The following CPNE8 variants were observed in gnomAD, a reference collection of about 807,000 sequenced individuals.
CPNE8 encodes the protein copine-8.
In CPNE8, 45 loss-of-function variants were observed where a neutral mutation model predicts 81.5. The ratio of observed to expected loss-of-function variants is 0.55; its 90% CI spans 0.44 to 0.71. The LOEUF (loss-of-function observed/expected upper bound fraction) is 0.71. Ranked by LOEUF, CPNE8 falls within the 30% of genes least tolerant of loss-of-function variation. CPNE8 has a pLI of 0.00. For synonymous variants in CPNE8, 252 were observed against 226.3 expected (o/e 1.11, Z -1.02); for missense variants, 594 against 672.1 (o/e 0.88, Z 1.28).
chr12:38,820,696 C>T (rs1226292095), intron 6 of CPNE8, among the ~76,000 whole-genome samples: 1 of 152,174 alleles, frequency 6.6e-6, no homozygotes, highest in East Asian at 1.9e-4. Flanking sequence ...ATGTTTCCAA[C>T]AGGTTTTCAA....
At chr12:38,731,501 G>T (rs559391370) in intron 10 of CPNE8, among the ~76,000 whole-genome samples, 1 of 151,724 alleles carries the variant, frequency 6.6e-6, no homozygotes, top group African/African-American at 2.4e-5. Flanking sequence ...TGTTTTTAAA[G>T]AACTTATTTG....
At chr12:38,796,070 G>A (rs544483861) in intron 6 of CPNE8, among the ~76,000 whole-genome samples, 1 of 152,128 alleles carries the variant, frequency 6.6e-6, no homozygotes, top group Non-Finnish European at 1.5e-5. Flanking sequence ...AGACCAGCCT[G>A]GTCAACATGG....
intron 13 of CPNE8, among the ~76,000 whole-genome samples, chr12:38,716,239 A>T (rs1592032576): frequency 6.6e-6 from 1 of 152,232 alleles, no homozygotes; most frequent in East Asian, 1.9e-4. Flanking sequence ...CATTCTACAG[A>T]CTCAAATGCA....
intron 3 of CPNE8, among the ~76,000 whole-genome samples, chr12:38,856,010 G>T (rs773736166): frequency 5.1e-4 from 78 of 151,912 alleles, no homozygotes; most frequent in Middle Eastern, 3.4e-3. Flanking sequence ...AAATGAAAGA[G>T]AAAACATTAC....
chr12:38,872,110 G>C lies in CPNE8; in HGVS notation c.186+894C>G, dbSNP rs1944002812. 2.0e-5 allele frequency among the ~76,000 whole-genome samples: 3 copies of C among 152,144 alleles called. No homozygotes were observed. The East Asian group carries it at 5.8e-4, about 29-fold the overall frequency. On this transcript the variant is annotated intron_variant, in intron 3 of 19. Transcript: ENST00000331366. ...AGATTGTGCCATAGCACTCCAGCCT[G>C]AGCAATAAGAGTGAAACTCTGTCTC...
chr12:38,789,363 G>A (rs916304743), intron 6 of CPNE8, among the ~76,000 whole-genome samples: 2 of 151,590 alleles, frequency 1.3e-5, no homozygotes, highest in Admixed American at 6.6e-5. Flanking sequence ...AAGACAGTCT[G>A]TTCAATAAAT....
chr12:38,882,891 C>T (rs938270331), intron 1 of CPNE8, among the ~76,000 whole-genome samples: 64 of 152,174 alleles, frequency 4.2e-4, no homozygotes, highest in African/African-American at 1.4e-3. Context: ...CCATAGCATT[C>T]TGTTTCCCAA....
At chr12:38,795,999 G>A (rs185247168) in intron 6 of CPNE8, among the ~76,000 whole-genome samples, 22 of 152,152 alleles carry the variant, frequency 1.4e-4, no homozygotes, top group Admixed American at 2.6e-4. Flanking sequence ...CGGTGGTCAC[G>A]CCTGTAATCC....
At chr12:38,740,503 C>A (rs1941072671) in intron 10 of CPNE8, among the ~76,000 whole-genome samples, 1 of 152,092 alleles carries the variant, frequency 6.6e-6, no homozygotes, top group Non-Finnish European at 1.5e-5. Flanking sequence ...CAGTTTTTGC[C>A]CATTCAGTAT....
chr12:38,767,651 T>A lies in CPNE8; in HGVS notation c.559A>T (p.Ser187Cys), dbSNP rs775676077. 3.2e-6 allele frequency: 5 copies of A among 1,561,172 alleles called. No homozygotes were observed. Among genetic ancestry groups the A allele is most frequent in the Non-Finnish European group, 4.3e-6 (5 of 1,160,164 alleles). ...KSDPFLVFYR[S>C]NEDGSFTICH... The stretch of plus-strand genomic sequence containing the variant: ...TAAATCTACCTGCCATCTTCATTAC[T>A]TCGATAAAATACAAGGAAAGGATCT... Residue 187 changes from serine to cysteine, a missense_variant, in exon 8 of 20, where the codon AGT becomes TGT. By Grantham distance (112) the Ser-to-Cys change is moderately radical (BLOSUM62 -1). Transcript: ENST00000331366.
chr12:38,749,754 T>C (rs1285509136), intron 10 of CPNE8, among the ~76,000 whole-genome samples: 1 of 152,046 alleles, frequency 6.6e-6, no homozygotes, highest in Non-Finnish European at 1.5e-5. Flanking sequence ...CAAGAGGTGA[T>C]TAGGGTGCTG....
At chr12:38,684,881 G>A (rs1328472942) in intron 16 of CPNE8, among the ~76,000 whole-genome samples, 11 of 151,992 alleles carry the variant, frequency 7.2e-5, no homozygotes, top group South Asian at 4.1e-4. Flanking sequence ...ATGTACTAAC[G>A]AAAAAATGAT....
At chr12:38,776,844 A>AT (rs141521781) in intron 6 of CPNE8, among the ~76,000 whole-genome samples, 127 of 152,292 alleles carry the variant, frequency 8.3e-4, no homozygotes, top group African/African-American at 3.0e-3. Flanking sequence ...AGCACAGAGC[A>AT]TTACTCATGT....
intron 19 of CPNE8, among the ~76,000 whole-genome samples, chr12:38,658,391 G>A (rs1565557012): frequency 1.3e-5 from 2 of 152,194 alleles, no homozygotes; most frequent in Non-Finnish European, 2.9e-5. Context: ...CAAGAAATAT[G>A]AGACTATGTG....
rs985146428 is a variant in CPNE8 at position 38,857,711 on chromosome 12, G to C, written c.187-9049C>G. 4.6e-5 allele frequency among the ~76,000 whole-genome samples: 7 copies of C among 152,256 alleles called. No homozygotes were observed. In the East Asian group the frequency reaches 1.4e-3, roughly 29 times the overall value. On this transcript the variant is annotated intron_variant, in intron 3 of 19. Transcript: ENST00000331366. Reference sequence around the variant, plus strand: ...GTGGATCACGAGGTCAGGAGTTCAAGACCAGCCTGGCCAACATGGCGAACC... The same window carrying C: ...GTGGATCACGAGGTCAGGAGTTCAACACCAGCCTGGCCAACATGGCGAACC...
At chr12:38,738,116 TA>T (rs1287373283) in intron 10 of CPNE8, among the ~76,000 whole-genome samples, 1 of 152,114 alleles carries the variant, frequency 6.6e-6, no homozygotes, top group Non-Finnish European at 1.5e-5. Context: ...GCCACCAGTC[TA>T]CATACTGTTC....
intron 10 of CPNE8, among the ~76,000 whole-genome samples, chr12:38,758,475 T>C (rs1941508882): frequency 6.6e-6 from 1 of 152,152 alleles, no homozygotes; most frequent in Non-Finnish European, 1.5e-5. Context: ...GCCTTTCACT[T>C]AATGCCAGGA....
At chr12:38,885,984 T>G (rs1419392601) in intron 1 of CPNE8, among the ~76,000 whole-genome samples, 4 of 152,204 alleles carry the variant, frequency 2.6e-5, no homozygotes, top group Non-Finnish European at 4.4e-5. Flanking sequence ...CTGTACAGCA[T>G]ACAGAACGGT....
Position 38,764,565 on chromosome 12 carries a change from C to T in CPNE8, c.576-2349G>A, listed in dbSNP as rs1463881388. 1.4e-4 allele frequency among the ~76,000 whole-genome samples: 19 copies of T among 136,170 alleles called. No homozygotes were observed. The South Asian group carries it at 3.2e-3, about 23-fold the overall frequency. 89.3% of individuals were successfully genotyped at this position (136,170 alleles called of 152,430 possible). A position where few individuals can be genotyped will look rare whatever the true frequency, so the allele number is the denominator to read the frequency against. On this transcript the variant is annotated intron_variant, in intron 8 of 19. Coordinates refer to ENST00000331366, the MANE Select transcript of CPNE8 (RefSeq NM_153634.3). Reference sequence around the variant, plus strand: ...CCGGGAGGCGGAGCTTGCAGTGAGCCGAGATCCCGCCACTGCACTCCAGCC... The same window carrying T: ...CCGGGAGGCGGAGCTTGCAGTGAGCTGAGATCCCGCCACTGCACTCCAGCC...
Sources: gnomAD v4.1 joint callset for allele counts (sites outside exome capture counted in the v4.1 genomes callset) on GRCh38, gnomAD v4.1.1 for gene constraint, MANE v1.5 for transcripts, NCBI Gene and HGNC (gene_info 2026-07-23, HGNC 2026-07-21) for gene names.